The following VPS13B variants were observed in gnomAD, a reference collection of about 807,000 sequenced individuals.
VPS13B encodes vacuolar protein sorting 13 homolog B, also known as intermembrane lipid transfer protein VPS13B.
VPS13B carries 285 observed loss-of-function variants against 426.4 expected under a neutral mutation model. That is an observed-to-expected ratio of 0.67 (90% CI 0.61 to 0.74). The LOEUF (loss-of-function observed/expected upper bound fraction) is 0.74. Ranked by LOEUF, VPS13B falls within the 30% of genes least tolerant of loss-of-function variation. The pLI is 0.00. For synonymous variants in VPS13B, 1,676 were observed against 1,676.4 expected (o/e 1.00, Z 0.01); for missense variants, 4,537 against 4,782.6 (o/e 0.95, Z 1.51).
chr8:99,284,894 C>T (rs1819353707), intron 19 of VPS13B, among the ~76,000 whole-genome samples: 1 of 152,154 alleles, frequency 6.6e-6, no homozygotes, highest in Non-Finnish European at 1.5e-5. Context: ...AATGGAGATA[C>T]TCTTATCTGC....
chr8:99,155,648 G>A (rs1588094751), intron 14 of VPS13B, among the ~76,000 whole-genome samples: 1 of 152,088 alleles, frequency 6.6e-6, no homozygotes. Context: ...TTGTATTTTC[G>A]ACTTAGTTTT....
At chr8:99,726,020 A>G (rs1234848960) in intron 39 of VPS13B, among the ~76,000 whole-genome samples, 1 of 152,198 alleles carries the variant, frequency 6.6e-6, no homozygotes, top group African/African-American at 2.4e-5. Flanking sequence ...CTTATAATAC[A>G]GAAGCCTCAG....
chr8:99,446,949 T>C (rs1817949989), intron 23 of VPS13B, among the ~76,000 whole-genome samples: 1 of 152,170 alleles, frequency 6.6e-6, no homozygotes, highest in Admixed American at 6.5e-5. Context: ...AAATTTTACA[T>C]AGGATATTCT....
intron 31 of VPS13B, among the ~76,000 whole-genome samples, chr8:99,562,356 C>G (rs1394761780): frequency 6.6e-6 from 1 of 151,764 alleles, no homozygotes; most frequent in Admixed American, 6.6e-5. Flanking sequence ...TCTCAGCCCA[C>G]TGTAACCTCT....
chr8:99,659,164 A>G (rs185739112), intron 34 of VPS13B, among the ~76,000 whole-genome samples: 216 of 152,158 alleles, frequency 1.4e-3, no homozygotes, highest in Non-Finnish European at 2.5e-3. Context: ...GAAAATTTCT[A>G]TCTTATTTGA....
intron 43 of VPS13B, among the ~76,000 whole-genome samples, chr8:99,798,423 G>T (rs1403006805): frequency 1.3e-5 from 2 of 152,064 alleles, no homozygotes; most frequent in Non-Finnish European, 2.9e-5. Context: ...TAAATCAGAG[G>T]CAGAAGTTTA....
chr8:99,558,463 G>A (rs1588493221), intron 31 of VPS13B, among the ~76,000 whole-genome samples: 2 of 152,168 alleles, frequency 1.3e-5, no homozygotes, highest in South Asian at 2.1e-4. Context: ...ACAACGTGCA[G>A]GTTTCTTACA....
intron 16 of VPS13B, among the ~76,000 whole-genome samples, chr8:99,175,653 A>T (rs1812589650): frequency 6.6e-6 from 1 of 152,072 alleles, no homozygotes; most frequent in Admixed American, 6.6e-5. Flanking sequence ...GCTGTTTAGG[A>T]GGCTGAGGTG....
chr8:99,074,449 A>G (rs1447841216), intron 3 of VPS13B, among the ~76,000 whole-genome samples: 3 of 151,122 alleles, frequency 2.0e-5, no homozygotes, highest in South Asian at 4.2e-4. Context: ...CAGAGCTTGC[A>G]GTGAGCCGAG....
At position 99,877,340 on chromosome 8, in the gene VPS13B, T is replaced by C. The variant is rs1346418837; in HGVS notation, c.*1674T>C. 4 of 152,664 alleles carry C rather than the reference T, an allele frequency of 2.6e-5. No homozygotes were observed. Among genetic ancestry groups the C allele is most frequent in the Non-Finnish European group, 5.9e-5 (4 of 68,044 alleles). 9.5% of individuals were successfully genotyped at this position (152,664 alleles called of 1,614,324 possible). A position where few individuals can be genotyped will look rare whatever the true frequency, so the allele number is the denominator to read the frequency against. On this transcript the variant is annotated 3_prime_UTR_variant, in exon 62 of 62. Coordinates refer to ENST00000357162, the MANE Select transcript of VPS13B (RefSeq NM_152564.5). ...GTAACTATTTCTAAAAATGTAAATA[T>C]GTATTAATCCTTGTATCTTTTATGG...
intron 19 of VPS13B, among the ~76,000 whole-genome samples, chr8:99,344,526 C>T (rs866482289): frequency 6.6e-6 from 1 of 152,140 alleles, no homozygotes; most frequent in Admixed American, 6.5e-5. Flanking sequence ...AGTAGCAGTA[C>T]CACATTATAT....
Position 99,507,872 on chromosome 8 carries a change from G to A in VPS13B, c.4224+669G>A, listed in dbSNP as rs1183099236. 1 of 1,614,072 alleles carries A rather than the reference G, an allele frequency of 6.2e-7. No individual in the cohort carries two copies. Among genetic ancestry groups the A allele is most frequent in the Admixed American group, 1.7e-5 (1 of 60,020 alleles). On this transcript the variant is annotated intron_variant, in intron 28 of 61. Transcript: ENST00000357162. ...CCTTGTTGGTTCGACCCATCAGCAA[G>A]CAGGACCCTTTCAGTAATTGCTCTG...
chr8:99,386,194 T>C (rs1276081790), intron 20 of VPS13B, among the ~76,000 whole-genome samples: 1 of 152,168 alleles, frequency 6.6e-6, no homozygotes, highest in African/African-American at 2.4e-5. Context: ...TCCCTGAAGG[T>C]CAAGTAGAGT....
At chr8:99,251,039 C>G (rs867389357) in intron 17 of VPS13B, among the ~76,000 whole-genome samples, 24 of 152,034 alleles carry the variant, frequency 1.6e-4, no homozygotes, top group Non-Finnish European at 2.8e-4. Flanking sequence ...CCTATTACTT[C>G]TAGAATGTGT....
At chr8:99,335,236 A>G (rs2133165737) in intron 19 of VPS13B, among the ~76,000 whole-genome samples, 1 of 151,858 alleles carries the variant, frequency 6.6e-6, no homozygotes, top group Non-Finnish European at 1.5e-5. Flanking sequence ...CGTCTATTTG[A>G]TTCTTCTCTC....
At chr8:99,240,714 T>C (rs1816880094) in intron 17 of VPS13B, among the ~76,000 whole-genome samples, 1 of 152,234 alleles carries the variant, frequency 6.6e-6, no homozygotes, top group African/African-American at 2.4e-5. Flanking sequence ...AAAATCACTT[T>C]CTCCAGCTAT....
chr8:99,256,945 A>C (rs1817774211), intron 17 of VPS13B, among the ~76,000 whole-genome samples: 1 of 152,222 alleles, frequency 6.6e-6, no homozygotes, highest in South Asian at 2.1e-4. Context: ...ATTTCATGAG[A>C]GAAGAGCCTG....
chr8:99,097,752 A>G (rs1403970130), intron 4 of VPS13B, among the ~76,000 whole-genome samples: 7 of 152,200 alleles, frequency 4.6e-5, no homozygotes, highest in Non-Finnish European at 1.0e-4. Context: ...GGAGATAGGT[A>G]ATAAAGATAC....
At chr8:99,695,590 C>T (rs1395086376) in intron 35 of VPS13B, among the ~76,000 whole-genome samples, 5 of 142,782 alleles carry the variant, frequency 3.5e-5, no homozygotes, top group African/African-American at 1.3e-4. Flanking sequence ...GGAGATATAC[C>T]TAATGCTAGA....
Sources: gnomAD v4.1 joint callset for allele counts (sites outside exome capture counted in the v4.1 genomes callset) on GRCh38, gnomAD v4.1.1 for gene constraint, MANE v1.5 for transcripts, NCBI Gene and HGNC (gene_info 2026-07-23, HGNC 2026-07-21) for gene names.